The following POLR1C variants were observed in gnomAD, a reference collection of about 807,000 sequenced individuals.
POLR1C encodes the protein RNA polymerase I and III subunit C.
POLR1C carries 42 observed loss-of-function variants against 38.3 expected under a neutral mutation model. That is an observed-to-expected ratio of 1.10 (90% CI 0.86 to 1.42). The LOEUF (loss-of-function observed/expected upper bound fraction) is 1.42. Ranked by LOEUF, POLR1C falls within the 40% of genes most tolerant of loss-of-function variation. The pLI is 0.00. For synonymous variants in POLR1C, 163 were observed against 163.9 expected, an observed-to-expected ratio of 0.99 and a Z score of 0.04; for missense variants, 507 against 450.5, an observed-to-expected ratio of 1.13 and a Z score of -1.14.
chr6:43,555,661 A>G (rs1582231799), intron 10 of POLR1C: 2 of 639,734 alleles, frequency 3.1e-6, no homozygotes, highest in Admixed American at 3.5e-5. Flanking sequence ...AAAATGTGTC[A>G]TCTGCTTTCT....
Position 43,548,697 on chromosome 6 carries a change from C to A in POLR1C, c.*5-2271C>A, listed in dbSNP as rs571620951. ...ATAACTGCACTTTCCCATACTACAA[C>A]TGTGAAAAGATCAGCTTGTTTTATA... On this transcript the variant is annotated intron_variant, in intron 9 of 10. Transcript: ENST00000607635. 4.6e-5 allele frequency among the ~76,000 whole-genome samples: 7 copies of A among 151,622 alleles called. No homozygotes were observed. The East Asian group carries it at 1.4e-3, about 29-fold the overall frequency.
At chr6:43,549,887 TC>T in intron 9 of POLR1C, 1 of 1,608,924 alleles carries the variant, frequency 6.2e-7, no homozygotes, top group Non-Finnish European at 8.5e-7. Context: ...TAATTAATGG[TC>T]TTACCTTACT....
chr6:43,530,325 G>A (rs949050591), downstream of POLR1C, among the ~76,000 whole-genome samples: 1 of 151,998 alleles, frequency 6.6e-6, no homozygotes, highest in African/African-American at 2.4e-5. Context: ...TTAGGAGGCT[G>A]AGGCACAAGA....
chr6:43,527,812 C>A, intron 8 of POLR1C: 2 of 1,452,490 alleles, frequency 1.4e-6, no homozygotes, highest in South Asian at 1.2e-5. Flanking sequence ...ATCAGACTCT[C>A]TCTGACCACT....
At chr6:43,534,056 A>G, downstream of POLR1C, 1 of 1,456,216 alleles carries the variant, frequency 6.9e-7, no homozygotes, top group South Asian at 1.1e-5. Flanking sequence ...ATGCAGAAGG[A>G]AAGAGTGGGT....
At chr6:43,522,548 C>T (rs771057885), downstream of POLR1C, 3 of 265,974 alleles carry the variant, frequency 1.1e-5, no homozygotes, top group South Asian at 9.6e-5. Context: ...CTTGAGATCG[C>T]CTTCACGATC....
intron 9 of POLR1C, among the ~76,000 whole-genome samples, chr6:43,536,644 C>T (rs1794340459): frequency 6.6e-6 from 1 of 150,736 alleles, no homozygotes; most frequent in Admixed American, 6.6e-5. Flanking sequence ...CTGTAAATCC[C>T]AGCTACTCAG....
chr6:43,545,819 T>A (rs1418892662), intron 9 of POLR1C, among the ~76,000 whole-genome samples: 1 of 152,202 alleles, frequency 6.6e-6, no homozygotes, highest in Non-Finnish European at 1.5e-5. Context: ...AGACCATCCC[T>A]GAGTCATCAA....
At chr6:43,531,421 AT>A (rs1793970323), downstream of POLR1C, 17 of 1,510,312 alleles carry the variant, frequency 1.1e-5, no homozygotes, top group Admixed American at 5.0e-5. Flanking sequence ...ACCCATGGAC[AT>A]TCCTATACAA....
chr6:43,526,514 C>T (rs551877629), intron 8 of POLR1C: 3 of 682,560 alleles, frequency 4.4e-6, no homozygotes, highest in East Asian at 5.5e-5. Context: ...AGTGCAAAGG[C>T]TTGGAGGTGG....
chr6:43,560,074 C>A (rs1341400204), intron 10 of POLR1C: 2 of 1,398,038 alleles, frequency 1.4e-6, no homozygotes, highest in African/African-American at 2.9e-5. Context: ...CCGCCTCAGC[C>A]TTCCATAGAG....
chr6:43,520,013 G>C lies in POLR1C; in HGVS notation c.383-53G>C. ...GGAAACACGTAAAGCATTCAGCATA[G>C]TGCTGGCACTCAGACGTTTACTAGT... On this transcript the variant is annotated intron_variant, in intron 4 of 8. Coordinates refer to ENST00000642195, the MANE Select transcript of POLR1C (RefSeq NM_203290.4). 6.2e-6 allele frequency: 10 copies of C among 1,607,192 alleles called. No homozygotes were observed. In the South Asian group the frequency reaches 1.0e-4, roughly 16 times the overall value.
Position 43,551,563 on chromosome 6 carries a change from C to G in POLR1C, c.*48+552C>G, listed in dbSNP as rs1469499205. The G allele has an allele frequency of 2.2e-6, 3 of 1,375,488 alleles. No individual in the cohort carries two copies. In the East Asian group the frequency reaches 7.0e-5, roughly 32 times the overall value. 85.2% of individuals were successfully genotyped at this position (1,375,488 alleles called of 1,614,324 possible). A position where few individuals can be genotyped will look rare whatever the true frequency, so the allele number is the denominator to read the frequency against. ...AAAGAGACAGGGTCTCATTCTGTCACCTAGGCTGGAGTGCACAGTGGCACA... is the reference window on the plus strand; with the variant it reads ...AAAGAGACAGGGTCTCATTCTGTCAGCTAGGCTGGAGTGCACAGTGGCACA... On this transcript the variant is annotated intron_variant, in intron 10 of 10. Transcript: ENST00000607635.
At chr6:43,530,746 G>T (rs193195408), downstream of POLR1C, 6 of 1,613,994 alleles carry the variant, frequency 3.7e-6, no homozygotes. Flanking sequence ...AGGCTGAGCT[G>T]AGAAGCTGGG....
intron 2 of POLR1C, among the ~76,000 whole-genome samples, chr6:43,517,962 A>G (rs780501901): frequency 6.6e-6 from 1 of 152,184 alleles, no homozygotes; most frequent in South Asian, 2.1e-4. Flanking sequence ...TGCTTGGGAA[A>G]ATTTTACTTT....
At chr6:43,556,523 C>T (rs1188568655) in intron 10 of POLR1C, among the ~76,000 whole-genome samples, 1 of 71,968 alleles carries the variant, frequency 1.4e-5, no homozygotes, top group Admixed American at 1.7e-4. Flanking sequence ...GACCATGTCT[C>T]AAAAAAAAAA....
At chr6:43,551,842 T>A (rs1316165580) in intron 10 of POLR1C, among the ~76,000 whole-genome samples, 4 of 152,060 alleles carry the variant, frequency 2.6e-5, no homozygotes, top group African/African-American at 9.7e-5. Flanking sequence ...ATTTTTTAAA[T>A]TTTTAGTAGA....
At chr6:43,525,343 GC>G, downstream of POLR1C, 1 of 863,556 alleles carries the variant, frequency 1.2e-6, no homozygotes. Context: ...TTGTTTTGTT[GC>G]CCAGGCTGGT....
Position 43,521,260 on chromosome 6 carries a change from G to A in POLR1C, c.1001G>A (p.Arg334Gln), listed in dbSNP as rs752657369. 39 of 1,612,748 alleles carry A rather than the reference G, an allele frequency of 2.4e-5. No individual in the cohort carries two copies. Among genetic ancestry groups the A allele is most frequent in the Middle Eastern group, 2.0e-4 (1 of 5,058 alleles). Reference protein sequence around the residue: ...EAIKVLMGKCRRFLDELDAVQ... With the variant: ...EAIKVLMGKCQRFLDELDAVQ... Reference sequence around the variant, plus strand: ...ATCAAAGTACTGATGGGGAAGTGCCGGCGCTTCTTGGATGAACTAGATGCG... The same window carrying A: ...ATCAAAGTACTGATGGGGAAGTGCCAGCGCTTCTTGGATGAACTAGATGCG... Residue 334 changes from arginine to glutamine, a missense_variant, in exon 9 of 9, where the codon CGG becomes CAG. Transcript: ENST00000642195.
Sources: allele counts gnomAD v4.1 joint callset (sites outside exome capture counted in the v4.1 genomes callset), GRCh38; gene constraint gnomAD v4.1.1; transcripts MANE v1.5; gene names NCBI Gene and HGNC (gene_info 2026-07-23, HGNC 2026-07-21).